RSF1: variants seen among roughly 807,000 people sequenced by gnomAD.
RSF1 encodes remodeling and spacing factor 1.
Under a neutral mutation model 145.2 loss-of-function variants are expected in RSF1, and 13 were observed. The observed-to-expected ratio is 0.09, with a 90% CI of 0.06 to 0.14. The LOEUF (loss-of-function observed/expected upper bound fraction) is 0.14, where lower values mean the gene tolerates loss of function less well. Ranked by LOEUF, RSF1 falls within the 10% of genes least tolerant of loss-of-function variation. The pLI is 1.00. For synonymous variants in RSF1, 577 were observed against 592.6 expected, an observed-to-expected ratio of 0.97 and a Z score of 0.38; for missense variants, 1,517 against 1,718.2, an observed-to-expected ratio of 0.88 and a Z score of 2.07.
At chr11:77,702,585 G>T (rs1960453564) in intron 5 of RSF1, 90 bp from the exon 6 acceptor site, 1 of 805,302 alleles carries the variant, frequency 1.2e-6, no homozygotes, top group Non-Finnish European at 1.7e-6. Context: ...TCCATTTAAA[G>T]TTTCTATTTT....
chr11:77,775,750 T>C (rs1005155839), intron 1 of RSF1, among the ~76,000 whole-genome samples: 8 of 152,050 alleles, frequency 5.3e-5, no homozygotes, highest in East Asian at 3.9e-4. Context: ...GCCTGGGAAA[T>C]AGTGAGACCC....
At chr11:77,749,825 T>C (rs939705054) in intron 2 of RSF1, among the ~76,000 whole-genome samples, 3 of 152,164 alleles carry the variant, frequency 2.0e-5, no homozygotes, top group Non-Finnish European at 2.9e-5. Flanking sequence ...CTCGGCTCAC[T>C]GCAACCTCTG....
chr11:77,857,948 GC>G, the RSF1 span, among the ~76,000 whole-genome samples: 1 of 152,014 alleles, frequency 6.6e-6, no homozygotes, highest in African/African-American at 2.4e-5. Context: ...GCCCACATTG[GC>G]CCCCAAAGTG....
At position 77,698,633 on chromosome 11, in the gene RSF1, A is replaced by C; in HGVS notation, c.2569T>G (p.Ser857Ala). The change falls in exon 7 of 16, where the codon TCC becomes GCC. Residue 857 changes from serine to alanine, a missense_variant. This residue lies in a region of RSF1 where 579 missense variants were observed against 553.5 expected (regional missense o/e 1.05). Transcript: ENST00000308488. ...GACCCTTCACTTTCATCATTGCTGG[A>C]ATATTTCCATCTGCCACGTGTCCGA... ...GSRTRGRWKY[S>A]SNDESEGSGS... 6.2e-7 allele frequency: 1 copy of C among 1,614,162 alleles called. No homozygotes were observed. Among genetic ancestry groups the C allele is most frequent in the Non-Finnish European group, 8.5e-7 (1 of 1,180,028 alleles).
intron 12 of RSF1, 109 bp downstream of exon 12, chr11:77,677,966 TACTAATCATGA>T: frequency 1.4e-6 from 1 of 706,570 alleles, no homozygotes; most frequent in Non-Finnish European, 2.5e-6. Flanking sequence ...CTAACATCAG[TACTAATCATGA>T]TACATAACGG....
rs139072086 is a variant in RSF1 at position 77,696,969 on chromosome 11, G to A, written c.2715+1518C>T. Among the ~76,000 whole-genome samples the A allele has an allele frequency of 2.9e-3, 449 of 152,266 alleles. 3 individuals are homozygous for A. Among genetic ancestry groups the A allele is most frequent in the African/African-American group, 0.01 (419 of 41,554 alleles). On this transcript the variant is annotated intron_variant, in intron 7 of 15. Coordinates refer to ENST00000308488, the MANE Select transcript of RSF1 (RefSeq NM_016578.4). ...TTAACAGTAAGAAAGAAAAGAGTAAGTAAACCAGAATTAACTTTAACCCAG... is the reference window on the plus strand; with the variant it reads ...TTAACAGTAAGAAAGAAAAGAGTAAATAAACCAGAATTAACTTTAACCCAG...
At chr11:77,723,941 G>A (rs1301327482) in intron 5 of RSF1, among the ~76,000 whole-genome samples, 1 of 152,192 alleles carries the variant, frequency 6.6e-6, no homozygotes, top group Non-Finnish European at 1.5e-5. Flanking sequence ...ACTTGGCTCT[G>A]TCTTCCTAGA....
chr11:77,818,208 A>C (rs867759631), intron 1 of RSF1, among the ~76,000 whole-genome samples: 1 of 152,146 alleles, frequency 6.6e-6, no homozygotes, highest in African/African-American at 2.4e-5. Flanking sequence ...ACTGACTCTA[A>C]TATTGTATTC....
intron 2 of RSF1, among the ~76,000 whole-genome samples, chr11:77,759,633 G>A (rs923490071): frequency 7.2e-5 from 11 of 152,144 alleles, no homozygotes; most frequent in African/African-American, 2.2e-4. Context: ...GCAGTGAGCC[G>A]AGATTGTGCC....
In RSF1 at chr11:77,675,027, T is replaced by G. The variant is rs112292640; in HGVS notation, c.3562+9A>C. On this transcript the variant is annotated intron_variant, in intron 14 of 15. Coordinates refer to ENST00000308488, the MANE Select transcript of RSF1 (RefSeq NM_016578.4). ...ATTGAGCTACCATATGGTTACAGAT[T>G]ATTTTTACCAGAGTCTCTACTATTC... is the stretch of plus-strand genomic sequence containing the variant. The G allele has an allele frequency of 3.3e-4, 521 of 1,576,066 alleles. 2 individuals are homozygous for G. In the African/African-American group the frequency reaches 6.6e-3, roughly 20 times the overall value.
the RSF1 span, among the ~76,000 whole-genome samples, chr11:77,843,561 C>T: frequency 6.6e-5 from 10 of 152,262 alleles, no homozygotes; most frequent in Admixed American, 1.3e-4. Flanking sequence ...TTTATCTTGA[C>T]GCCTCCACTG....
chr11:77,841,533 G>A, the RSF1 span, among the ~76,000 whole-genome samples: 8 of 152,250 alleles, frequency 5.3e-5, no homozygotes, highest in South Asian at 4.1e-4. Flanking sequence ...AGGGGAGTGC[G>A]TTCAAAGTCC....
At chr11:77,678,302 T>C (rs1419465121) in intron 11 of RSF1, 149 bp from the exon 12 acceptor site, 6 of 409,670 alleles carry the variant, frequency 1.5e-5, no homozygotes, top group East Asian at 4.1e-5. Context: ...CTGCAACCTC[T>C]GCCTCCCGGG....
At chr11:77,825,936 C>T in the RSF1 span, among the ~76,000 whole-genome samples, 2 of 152,236 alleles carry the variant, frequency 1.3e-5, no homozygotes, top group South Asian at 4.1e-4. Flanking sequence ...AGATGATCTG[C>T]TCACCTCGGC....
At chr11:77,740,459 T>C (rs1961481679) in intron 4 of RSF1, among the ~76,000 whole-genome samples, 1 of 152,242 alleles carries the variant, frequency 6.6e-6, no homozygotes. Flanking sequence ...TTTCTGTCCA[T>C]ATTATTTATA....
In RSF1 at chr11:77,667,288, T is replaced by A; in HGVS notation, c.3955A>T (p.Asn1319Tyr). 1.2e-6 allele frequency: 2 copies of A among 1,614,192 alleles called. No individual in the cohort carries two copies. The highest frequency in any genetic ancestry group is 1.7e-6 in the Non-Finnish European group (2 of 1,180,028). The change falls in exon 16 of 16, where the codon AAT becomes TAT. Residue 1319 changes from asparagine (N) to tyrosine (Y), a missense_variant. This residue lies in a region of RSF1 where 240 missense variants were observed against 231.8 expected (regional missense o/e 1.04). Transcript: ENST00000308488. ...ESCDNAHGDA[N>Y]QPARDSQPRV... ...GGCTGGCTGTCACGGGCAGGCTGAT[T>A]TGCATCTCCATGAGCATTGTCACAA...
the RSF1 span, among the ~76,000 whole-genome samples, chr11:77,831,719 A>C: frequency 6.8e-6 from 1 of 146,116 alleles, no homozygotes; most frequent in Non-Finnish European, 1.5e-5. Context: ...TTTCTGAGAC[A>C]GGGTCTCACT....
chr11:77,820,994 G>T, upstream of RSF1: 1 of 497,090 alleles, frequency 2.0e-6, no homozygotes, highest in East Asian at 3.3e-5. Context: ...CCACTGCCTC[G>T]TGTGACAGGG....
At chr11:77,770,334 C>T (rs561212392) in intron 1 of RSF1, among the ~76,000 whole-genome samples, 1 of 152,206 alleles carries the variant, frequency 6.6e-6, no homozygotes, top group South Asian at 2.1e-4. Context: ...TGGTGGCGTG[C>T]ACCTGTAGTC....
Sources: allele counts gnomAD v4.1 joint callset (sites outside exome capture counted in the v4.1 genomes callset), GRCh38; gene constraint gnomAD v4.1.1; regional missense constraint gnomAD v4.1.1; transcripts MANE v1.5; gene names NCBI Gene and HGNC (gene_info 2026-07-23, HGNC 2026-07-21).